Variants in PRKG1 observed in about 807,000 individuals in gnomAD.
PRKG1 encodes the protein protein kinase cGMP-dependent 1, also known as cGMP-dependent protein kinase 1.
In PRKG1, 35 loss-of-function variants were observed where a neutral mutation model predicts 88.1. The observed-to-expected ratio is 0.40, with a 90% CI of 0.30 to 0.53. The LOEUF is 0.53. Among genes scored for constraint, PRKG1 ranks in the 20% least tolerant of loss-of-function variants. The pLI is 0.59. For synonymous variants in PRKG1, 303 were observed against 292.5 expected (o/e 1.04, Z -0.37); for missense variants, 540 against 839.8 (o/e 0.64, Z 4.41).
intron 3 of PRKG1, among the ~76,000 whole-genome samples, chr10:51,560,499 T>C (rs1270477640): frequency 1.3e-5 from 2 of 152,090 alleles, no homozygotes; most frequent in Non-Finnish European, 2.9e-5. Context: ...TAGTTCTAAT[T>C]TTTTGAAAAA....
chr10:52,244,308 G>A (rs1273265812), intron 9 of PRKG1, among the ~76,000 whole-genome samples: 5 of 151,874 alleles, frequency 3.3e-5, no homozygotes, highest in African/African-American at 1.2e-4. Flanking sequence ...ACGCTAAGAT[G>A]GTTCTTTTTG....
intron 2 of PRKG1, among the ~76,000 whole-genome samples, chr10:51,300,646 G>A (rs1036945766): frequency 6.6e-6 from 1 of 152,178 alleles, no homozygotes; most frequent in African/African-American, 2.4e-5. Context: ...CTCCTTCAGA[G>A]GTAAGAACCA....
chr10:51,318,964 C>G (rs770991846), intron 2 of PRKG1, among the ~76,000 whole-genome samples: 1 of 152,188 alleles, frequency 6.6e-6, no homozygotes, highest in African/African-American at 2.4e-5. Context: ...TCTGTAATAA[C>G]ACTTCATGCA....
intron 3 of PRKG1, among the ~76,000 whole-genome samples, chr10:51,671,455 T>C (rs1840574543): frequency 6.6e-6 from 1 of 152,164 alleles, no homozygotes; most frequent in Non-Finnish European, 1.5e-5. Flanking sequence ...TCTGTCCTAG[T>C]TTCTTTTTGC....
At chr10:51,385,702 A>G (rs1250123784) in intron 2 of PRKG1, among the ~76,000 whole-genome samples, 1 of 152,216 alleles carries the variant, frequency 6.6e-6, no homozygotes, top group Non-Finnish European at 1.5e-5. Flanking sequence ...GGGACCATTC[A>G]CAGTGCCCCC....
chr10:51,111,518 G>A (rs1042577803), intron 1 of PRKG1, among the ~76,000 whole-genome samples: 1 of 152,090 alleles, frequency 6.6e-6, no homozygotes, highest in African/African-American at 2.4e-5. Flanking sequence ...CAAGGTAGGG[G>A]AAGCTAATGA....
intron 3 of PRKG1, among the ~76,000 whole-genome samples, chr10:51,658,324 G>A (rs1589167313): frequency 6.6e-6 from 1 of 152,038 alleles, no homozygotes; most frequent in African/African-American, 2.4e-5. Context: ...GCAGAAAGAA[G>A]GCAGTCACCT....
chr10:51,212,792 G>A (rs1462132189), intron 2 of PRKG1, among the ~76,000 whole-genome samples: 2 of 152,174 alleles, frequency 1.3e-5, no homozygotes, highest in African/African-American at 2.4e-5. Context: ...AGTTAGAATG[G>A]CGATCATTAA....
chr10:51,416,807 C>T (rs1838252846), intron 2 of PRKG1, among the ~76,000 whole-genome samples: 1 of 152,160 alleles, frequency 6.6e-6, no homozygotes, highest in Non-Finnish European at 1.5e-5. Context: ...TGAAGAAGGT[C>T]AGAACTCCTC....
intron 3 of PRKG1, among the ~76,000 whole-genome samples, chr10:51,569,454 G>A (rs1041958405): frequency 2.0e-5 from 3 of 151,978 alleles, no homozygotes; most frequent in African/African-American, 2.4e-5. Flanking sequence ...TCTGTGCCAG[G>A]TTAAATAATG....
chr10:52,218,353 A>G lies in PRKG1; in HGVS notation c.1077-33217A>G, dbSNP rs572337309. 7.9e-5 allele frequency among the ~76,000 whole-genome samples: 12 copies of G among 152,222 alleles called. No homozygotes were observed. In the South Asian group the frequency reaches 2.1e-3, roughly 26 times the overall value. ...TTTGCCTGGCATTGAGGTAGCAAGC[A>G]CAAGGCCATATAGAGAGACAGAATC... On this transcript the variant is annotated intron_variant, in intron 9 of 17. Coordinates refer to ENST00000373980, the MANE Select transcript of PRKG1 (RefSeq NM_006258.4).
intron 2 of PRKG1, among the ~76,000 whole-genome samples, chr10:51,333,072 T>A (rs1244462796): frequency 6.6e-6 from 1 of 152,194 alleles, no homozygotes; most frequent in Non-Finnish European, 1.5e-5. Flanking sequence ...TGGGTGGACA[T>A]CATGGTCTTA....
Position 52,256,930 on chromosome 10 carries a change from T to C in PRKG1, c.1173+5264T>C, listed in dbSNP as rs143786763. On this transcript the variant is annotated intron_variant, in intron 10 of 17. Transcript: ENST00000373980. ...GTGTGCCCCTGAAGTAGCCTGCTTT[T>C]ATTCATCCATTTCACTTCTAAATTG... Among the ~76,000 whole-genome samples the C allele has an allele frequency of 1.3e-3, 188 of 139,426 alleles. 13 individuals are homozygous for C. The highest frequency in any genetic ancestry group is 4.4e-3 in the African/African-American group (178 of 40,362). The allele number at this position is 139,426 out of a possible 152,430, so 91.5% of individuals were successfully genotyped here.
chr10:51,660,260 C>A (rs372140350), intron 3 of PRKG1, among the ~76,000 whole-genome samples: 8 of 151,868 alleles, frequency 5.3e-5, no homozygotes, highest in African/African-American at 1.9e-4. Flanking sequence ...TGAATGCTAG[C>A]TATAATTATA....
At chr10:51,826,654 G>A (rs1054351792) in intron 4 of PRKG1, among the ~76,000 whole-genome samples, 2 of 152,136 alleles carry the variant, frequency 1.3e-5, no homozygotes, top group Non-Finnish European at 2.9e-5. Context: ...GTCCACAAGT[G>A]TCTACTATGT....
intron 1 of PRKG1, among the ~76,000 whole-genome samples, chr10:51,080,712 C>A (rs565434406): frequency 1.6e-4 from 24 of 152,316 alleles, no homozygotes; most frequent in African/African-American, 5.5e-4. Flanking sequence ...CATTTTGTAT[C>A]CTAATCTGAA....
chr10:52,003,022 G>A (rs13376777), intron 5 of PRKG1, among the ~76,000 whole-genome samples: 1,652 of 152,206 alleles, frequency 0.011, 32 homozygotes, highest in African/African-American at 0.036. Flanking sequence ...CTCATTTACC[G>A]TTCTCAACTC....
intron 8 of PRKG1, among the ~76,000 whole-genome samples, chr10:52,156,040 A>G (rs1434492044): frequency 1.3e-5 from 2 of 152,018 alleles, no homozygotes; most frequent in African/African-American, 4.8e-5. Flanking sequence ...TAATCAGGAA[A>G]CAGTTTAAAT....
intron 2 of PRKG1, among the ~76,000 whole-genome samples, chr10:51,451,340 T>C (rs1487209488): frequency 6.6e-6 from 1 of 151,878 alleles, no homozygotes; most frequent in Non-Finnish European, 1.5e-5. Flanking sequence ...TTTGTTACTG[T>C]TGTTTGTTAC....
Sources: gnomAD v4.1 joint callset for allele counts (sites outside exome capture counted in the v4.1 genomes callset) on GRCh38, gnomAD v4.1.1 for gene constraint, MANE v1.5 for transcripts, NCBI Gene and HGNC (gene_info 2026-07-23, HGNC 2026-07-21) for gene names.